SCAPER: variants seen among roughly 807,000 people sequenced by gnomAD.
The protein encoded by SCAPER is S phase cyclin A-associated protein in the endoplasmic reticulum.
SCAPER carries 98 observed loss-of-function variants against 182.2 expected under a neutral mutation model. The observed-to-expected ratio is 0.54, with a 90% CI of 0.46 to 0.64. The LOEUF (loss-of-function observed/expected upper bound fraction) is 0.64, where lower values mean the gene tolerates loss of function less well. Among genes scored for constraint, SCAPER ranks in the 30% least tolerant of loss-of-function variants. The pLI is 0.00. For missense variants in SCAPER, 1,432 were observed against 1,690.0 expected (o/e 0.85, Z 2.68); for synonymous variants, 605 against 564.6 (o/e 1.07, Z -1.01).
intron 27 of SCAPER, among the ~76,000 whole-genome samples, chr15:76,402,409 G>A (rs1013796101): frequency 1.6e-4 from 25 of 152,112 alleles, no homozygotes; most frequent in African/African-American, 6.0e-4. Context: ...GTGAACCAAA[G>A]GCACCAATAA....
At chr15:76,566,109 G>A (rs1055862438) in intron 23 of SCAPER, among the ~76,000 whole-genome samples, 1 of 152,066 alleles carries the variant, frequency 6.6e-6, no homozygotes, top group East Asian at 1.9e-4. Flanking sequence ...TAATTAGGTT[G>A]AAAAAGCTCT....
At chr15:76,422,252 C>CATGG (rs1436627115) in intron 26 of SCAPER, among the ~76,000 whole-genome samples, 1 of 152,172 alleles carries the variant, frequency 6.6e-6, no homozygotes, top group African/African-American at 2.4e-5. Flanking sequence ...TATCCATAAG[C>CATGG]ATGGAATGTT....
At chr15:76,781,538 A>C (rs1237714072) in intron 8 of SCAPER, among the ~76,000 whole-genome samples, 1 of 152,200 alleles carries the variant, frequency 6.6e-6, no homozygotes, top group Non-Finnish European at 1.5e-5. Flanking sequence ...ACTACAGAGA[A>C]TACCATGAAC....
Position 76,449,017 on chromosome 15 carries a change from A to C in SCAPER, c.3079-14707T>G, listed in dbSNP as rs570108846. On this transcript the variant is annotated intron_variant, in intron 25 of 31. Coordinates refer to ENST00000563290, the MANE Select transcript of SCAPER (RefSeq NM_020843.4). ...GACAAATGATGGCATAATTTTTGGC[A>C]AAGTTTGGACAGAAGCACACACAGG... Among the ~76,000 whole-genome samples, 7 of 152,342 alleles carry C rather than the reference A, an allele frequency of 4.6e-5. No individual in the cohort carries two copies. In the East Asian group the frequency reaches 1.4e-3, roughly 29 times the overall value.
intron 27 of SCAPER, among the ~76,000 whole-genome samples, chr15:76,395,459 C>A (rs1447528510): frequency 6.6e-6 from 1 of 152,088 alleles, no homozygotes; most frequent in East Asian, 1.9e-4. Flanking sequence ...ATTTGCATTC[C>A]CACCAACAGC....
intron 1 of SCAPER, among the ~76,000 whole-genome samples, chr15:76,893,973 A>G (rs2074292900): frequency 6.6e-6 from 1 of 152,224 alleles, no homozygotes; most frequent in African/African-American, 2.4e-5. Context: ...AGACAGGGCC[A>G]GGCGCAGTGG....
chr15:76,542,888 T>C (rs1229370718), intron 23 of SCAPER, among the ~76,000 whole-genome samples: 3 of 152,160 alleles, frequency 2.0e-5, no homozygotes, highest in African/African-American at 7.2e-5. Context: ...GCTTAATATT[T>C]TCCTCGTAAA....
chr15:76,520,216 TTTTG>T (rs2042737208), intron 23 of SCAPER, among the ~76,000 whole-genome samples: 2 of 152,258 alleles, frequency 1.3e-5, no homozygotes, highest in East Asian at 1.9e-4. Flanking sequence ...TCTTTTGTTT[TTTTG>T]TTTTTGTTTT....
intron 5 of SCAPER, among the ~76,000 whole-genome samples, chr15:76,831,665 C>G (rs2068499369): frequency 6.6e-6 from 1 of 152,062 alleles, no homozygotes; most frequent in South Asian, 2.1e-4. Context: ...TGCCCCCGCA[C>G]CACCACCACA....
At chr15:76,383,085 GGTGTGT>G (rs75365486) in intron 27 of SCAPER, among the ~76,000 whole-genome samples, 134 of 148,594 alleles carry the variant, frequency 9.0e-4, no homozygotes, top group Non-Finnish European at 1.5e-3. Flanking sequence ...TGTGTGTATA[GGTGTGT>G]GTGTGTGTGT....
intron 24 of SCAPER, among the ~76,000 whole-genome samples, chr15:76,476,777 T>C (rs1381649774): frequency 2.0e-5 from 3 of 151,876 alleles, no homozygotes; most frequent in African/African-American, 7.3e-5. Flanking sequence ...CTTAATGTCT[T>C]ATACTAAGTT....
intron 14 of SCAPER, among the ~76,000 whole-genome samples, chr15:76,764,394 G>C (rs1027383419): frequency 3.4e-5 from 5 of 147,778 alleles, no homozygotes; most frequent in Admixed American, 2.6e-4. Flanking sequence ...GGTCGTGGCA[G>C]AGGCCAGGTG....
rs573184324 is a variant in SCAPER, at chr15:76,588,522, G to A, written c.2712-14238C>T. Among the ~76,000 whole-genome samples, 86 of 152,236 alleles carry A rather than the reference G, an allele frequency of 5.6e-4. 2 individuals carry two copies. The highest frequency in any genetic ancestry group is 3.4e-3 in the Middle Eastern group (1 of 294). On this transcript the variant is annotated intron_variant, in intron 22 of 31. Coordinates refer to ENST00000563290, the MANE Select transcript of SCAPER (RefSeq NM_020843.4). Reference sequence around the variant, plus strand: ...GGTGAGTCTCTTGAAGTCAGCAGACGCTTGGTTAGTGAATTCTTACCCATT... The same window carrying A: ...GGTGAGTCTCTTGAAGTCAGCAGACACTTGGTTAGTGAATTCTTACCCATT...
chr15:76,423,431 T>TG (rs895757427), intron 26 of SCAPER, among the ~76,000 whole-genome samples: 39 of 152,366 alleles, frequency 2.6e-4, no homozygotes, highest in African/African-American at 8.4e-4. Flanking sequence ...TATTCTCTGA[T>TG]GGTAGTTTGT....
chr15:76,727,594 T>C (rs2060668459), intron 17 of SCAPER, among the ~76,000 whole-genome samples: 1 of 152,076 alleles, frequency 6.6e-6, no homozygotes, highest in Admixed American at 6.6e-5. Flanking sequence ...CAATTGCAGA[T>C]AGATAAAGAC....
At chr15:76,592,109 TATA>T (rs1311226164) in intron 22 of SCAPER, among the ~76,000 whole-genome samples, 1 of 150,254 alleles carries the variant, frequency 6.7e-6, no homozygotes, top group Non-Finnish European at 1.5e-5. Context: ...AGATTATATA[TATA>T]ATATCTATGT....
rs573591608 is a variant in SCAPER, at chr15:76,691,187, A to G, written c.2508+10571T>C. On this transcript the variant is annotated intron_variant, in intron 20 of 31. Coordinates refer to ENST00000563290, the MANE Select transcript of SCAPER (RefSeq NM_020843.4). ...TAAAAATGCTCAGTGGACAGACACA[A>G]AATCAATACACAGAAATGTACAGAT... is the stretch of plus-strand genomic sequence containing the variant. Among the ~76,000 whole-genome samples, 42 of 152,198 alleles carry G rather than the reference A, an allele frequency of 2.8e-4. 1 individual carries two copies. The South Asian group carries it at 8.5e-3, about 31-fold the overall frequency.
intron 2 of SCAPER, among the ~76,000 whole-genome samples, chr15:76,875,275 G>C (rs2073056474): frequency 6.6e-6 from 1 of 152,136 alleles, no homozygotes; most frequent in Non-Finnish European, 1.5e-5. Context: ...GGACCATACA[G>C]GAAACATAAA....
chr15:76,428,755 A>C (rs2046615894), intron 26 of SCAPER, among the ~76,000 whole-genome samples: 1 of 151,194 alleles, frequency 6.6e-6, no homozygotes, highest in Non-Finnish European at 1.5e-5. Context: ...GTTAACAGTA[A>C]AGTGTTGTAT....
Sources: allele counts gnomAD v4.1 joint callset (sites outside exome capture counted in the v4.1 genomes callset), GRCh38; gene constraint gnomAD v4.1.1; transcripts MANE v1.5; gene names NCBI Gene and HGNC (gene_info 2026-07-23, HGNC 2026-07-21).